SCD5: variants seen among roughly 807,000 people sequenced by gnomAD.
SCD5 encodes the protein acyl-CoA-desaturase 4.
SCD5 carries 20 observed loss-of-function variants against 30.4 expected under a neutral mutation model. The observed-to-expected ratio is 0.66, with a 90% CI of 0.46 to 0.96. The LOEUF is 0.96. Ranked by LOEUF, SCD5 falls within the 40% of genes least tolerant of loss-of-function variation. The pLI is 0.00. For missense variants in SCD5, 381 were observed against 443.3 expected (o/e 0.86, Z 1.26); for synonymous variants, 173 against 176.4 (o/e 0.98, Z 0.16).
At chr4:82,673,899 A>G (rs4693482) in intron 3 of SCD5, among the ~76,000 whole-genome samples, 143,594 of 152,234 alleles carry the variant, frequency 0.94, 67,836 homozygotes, top group East Asian at 1. Flanking sequence ...GGAATACAAT[A>G]GAGAAAAGGT....
intron 3 of SCD5, among the ~76,000 whole-genome samples, chr4:82,638,220 T>C (rs1727471783): frequency 6.6e-6 from 1 of 152,164 alleles, no homozygotes; most frequent in South Asian, 2.1e-4. Context: ...GTTTAGGACA[T>C]GCCTCTTTTT....
chr4:82,796,271 A>G (rs79839187), intron 1 of SCD5, among the ~76,000 whole-genome samples: 1 of 148,098 alleles, frequency 6.8e-6, no homozygotes, highest in Non-Finnish European at 1.5e-5. Flanking sequence ...CTCTGTCTCA[A>G]AAAAAAAAAA....
At chr4:82,646,642 C>T (rs1040986856) in intron 3 of SCD5, among the ~76,000 whole-genome samples, 2 of 152,102 alleles carry the variant, frequency 1.3e-5, no homozygotes, top group African/African-American at 2.4e-5. Flanking sequence ...CCCTGTGCTA[C>T]TCCATGATAA....
At chr4:82,742,940 C>T (rs1578048383) in intron 1 of SCD5, among the ~76,000 whole-genome samples, 1 of 152,130 alleles carries the variant, frequency 6.6e-6, no homozygotes, top group East Asian at 1.9e-4. Flanking sequence ...CCCCAATTAC[C>T]CACCCAGTCC....
At position 82,712,279 on chromosome 4, in the gene SCD5, T is replaced by TAC. The variant is rs1560540801; in HGVS notation, c.233-6867_233-6866insGT. Among the ~76,000 whole-genome samples the TAC allele has an allele frequency of 7.3e-4, 37 of 50,508 alleles. 1 individual carries two copies. Among genetic ancestry groups the TAC allele is most frequent in the African/African-American group, 1.0e-3 (9 of 9,016 alleles). 33.1% of individuals were successfully genotyped at this position (50,508 alleles called of 152,430 possible). A position where few individuals can be genotyped will look rare whatever the true frequency, so the allele number is the denominator to read the frequency against. ...ATATATATATATATATATATATATA[T>TAC]ATATATATATATATATATTTTATTT... On this transcript the variant is annotated intron_variant, in intron 1 of 4. Coordinates refer to ENST00000319540, the MANE Select transcript of SCD5 (RefSeq NM_001037582.3).
chr4:82,761,601 TTAAGTTTTAGGGTACATGTG>T (rs944359751), intron 1 of SCD5, among the ~76,000 whole-genome samples: 39 of 152,036 alleles, frequency 2.6e-4, no homozygotes, highest in African/African-American at 9.2e-4. Flanking sequence ...TTATTATACT[TTAAGTTTTAGGGTACATGTG>T]CACATTGTGC....
chr4:82,753,367 G>C (rs149186367), intron 1 of SCD5: 1 of 533,416 alleles, frequency 1.9e-6, no homozygotes, highest in Non-Finnish European at 3.9e-6. Flanking sequence ...TGTCCAACTG[G>C]CTCATTGTGC....
chr4:82,718,915 T>C (rs1441401930), intron 1 of SCD5, among the ~76,000 whole-genome samples: 1 of 151,670 alleles, frequency 6.6e-6, no homozygotes, highest in African/African-American at 2.4e-5. Flanking sequence ...AGTTGACTTA[T>C]CAAAATACAA....
chr4:82,736,748 G>A lies in SCD5; in HGVS notation c.233-31335C>T, dbSNP rs184812642. On this transcript the variant is annotated intron_variant, in intron 1 of 4. Transcript: ENST00000319540. ...GATGCCCTCAACTCACTGTGGCCTC[G>A]ACCTTCTGGGCTCAAGAGATCTTCC... is the stretch of plus-strand genomic sequence containing the variant. Among the ~76,000 whole-genome samples, 221 of 151,820 alleles carry A rather than the reference G, an allele frequency of 1.5e-3. 1 individual carries two copies. The highest frequency in any genetic ancestry group is 5.1e-3 in the African/African-American group (212 of 41,380).
At chr4:82,723,855 A>G (rs1720419109) in intron 1 of SCD5, among the ~76,000 whole-genome samples, 2 of 152,260 alleles carry the variant, frequency 1.3e-5, no homozygotes. Context: ...AATAACAATC[A>G]AATACAATGT....
At chr4:82,694,884 T>C (rs1719664065) in intron 2 of SCD5, among the ~76,000 whole-genome samples, 1 of 152,174 alleles carries the variant, frequency 6.6e-6, no homozygotes, top group Non-Finnish European at 1.5e-5. Context: ...AAGGGTTAAC[T>C]GTAATCGTAA....
At chr4:82,646,450 T>G (rs1727635825) in intron 3 of SCD5, among the ~76,000 whole-genome samples, 1 of 152,080 alleles carries the variant, frequency 6.6e-6, no homozygotes, top group African/African-American at 2.4e-5. Flanking sequence ...CTCTGTGGAG[T>G]GTCGCCGAAA....
At chr4:82,639,071 CAT>C (rs1354688252) in intron 3 of SCD5, among the ~76,000 whole-genome samples, 2 of 152,366 alleles carry the variant, frequency 1.3e-5, no homozygotes, top group Middle Eastern at 3.4e-3. Flanking sequence ...ACTGAAAAAA[CAT>C]ACGTCAATGT....
intron 3 of SCD5, among the ~76,000 whole-genome samples, chr4:82,679,148 G>A (rs1434791393): frequency 2.0e-5 from 3 of 148,698 alleles, no homozygotes; most frequent in Non-Finnish European, 3.0e-5. Context: ...GCAGTGAGCC[G>A]AGATCACGCC....
intron 3 of SCD5, among the ~76,000 whole-genome samples, chr4:82,663,588 C>G (rs1728072569): frequency 6.6e-6 from 1 of 152,182 alleles, no homozygotes; most frequent in African/African-American, 2.4e-5. Flanking sequence ...GCAATCAGAC[C>G]TTGGTGATGA....
Position 82,712,267 on chromosome 4 carries a change from TATATATATATATATATATATATATATA to T in SCD5, c.233-6881_233-6855del, listed in dbSNP as rs1720114062. ...ACATATATATATATATATATATATA[TATATATATATATATATATATATATATA>T]TATTTTATTTTTATTTTATTTTTTT... On this transcript the variant is annotated intron_variant, in intron 1 of 4. Transcript: ENST00000319540. 1.1e-4 allele frequency among the ~76,000 whole-genome samples: 5 copies of T among 46,226 alleles called. 1 individual carries two copies. Among genetic ancestry groups the T allele is most frequent in the African/African-American group, 6.9e-4 (5 of 7,200 alleles). The allele number at this position is 46,226 out of a possible 152,430, so 30.3% of individuals were successfully genotyped here.
chr4:82,768,503 G>C (rs1044345478), intron 1 of SCD5, among the ~76,000 whole-genome samples: 1 of 152,210 alleles, frequency 6.6e-6, no homozygotes, highest in Non-Finnish European at 1.5e-5. Context: ...AGTTAGTGAA[G>C]GGCAGAGGTA....
intron 3 of SCD5, among the ~76,000 whole-genome samples, chr4:82,662,892 T>A (rs1366365850): frequency 6.9e-6 from 1 of 145,016 alleles, no homozygotes; most frequent in Non-Finnish European, 1.5e-5. Flanking sequence ...ATGGTAGAAA[T>A]CCTTCAGTGT....
chr4:82,640,105 C>G (rs1727511932), intron 3 of SCD5, among the ~76,000 whole-genome samples: 1 of 152,202 alleles, frequency 6.6e-6, no homozygotes, highest in Non-Finnish European at 1.5e-5. Context: ...CCCCTGCTCT[C>G]TGACCCCAGT....
Sources: gnomAD v4.1 joint callset for allele counts (sites outside exome capture counted in the v4.1 genomes callset) on GRCh38, gnomAD v4.1.1 for gene constraint, MANE v1.5 for transcripts, NCBI Gene and HGNC (gene_info 2026-07-23, HGNC 2026-07-21) for gene names.